DLGAP2: variants seen among roughly 807,000 people sequenced by gnomAD.
DLGAP2 encodes the protein disks large-associated protein 2.
Under a neutral mutation model 100.3 loss-of-function variants are expected in DLGAP2, and 26 were observed. The ratio of observed to expected loss-of-function variants is 0.26; its 90% confidence interval spans 0.19 to 0.36. The LOEUF is 0.36. Ranked by LOEUF, DLGAP2 falls within the 10% of genes least tolerant of loss-of-function variation. The pLI, the probability that DLGAP2 is intolerant of heterozygous loss-of-function variation, is 1.00. For missense variants in DLGAP2, 1,858 were observed against 1,453.2 expected, an observed-to-expected ratio of 1.28 and a Z score of -4.53; for synonymous variants, 886 against 630.1, an observed-to-expected ratio of 1.41 and a Z score of -6.08.
At chr8:1,167,750 A>G (rs1797047283) in intron 2 of DLGAP2, among the ~76,000 whole-genome samples, 1 of 152,206 alleles carries the variant, frequency 6.6e-6, no homozygotes, top group South Asian at 2.1e-4. Flanking sequence ...TTCAGTTGAC[A>G]AACATTTGTT....
At chr8:1,499,139 A>T (rs948467730) in intron 3 of DLGAP2, among the ~76,000 whole-genome samples, 16 of 152,226 alleles carry the variant, frequency 1.1e-4, no homozygotes, top group African/African-American at 3.9e-4. Flanking sequence ...TGTTCTCAAG[A>T]TAATTAGGTG....
At chr8:774,977 A>T (rs1414367440) in intron 1 of DLGAP2, among the ~76,000 whole-genome samples, 3 of 151,666 alleles carry the variant, frequency 2.0e-5, no homozygotes, top group Non-Finnish European at 4.4e-5. Flanking sequence ...CTTCCTACCC[A>T]TGAGCATGGA....
chr8:949,235 C>G (rs1344242683), intron 2 of DLGAP2, among the ~76,000 whole-genome samples: 2 of 152,292 alleles, frequency 1.3e-5, no homozygotes, highest in Non-Finnish European at 2.9e-5. Flanking sequence ...CTGTGGAAAG[C>G]CAAGTTGCCA....
chr8:1,667,661 T>G (rs1798578865), intron 8 of DLGAP2, among the ~76,000 whole-genome samples: 1 of 152,230 alleles, frequency 6.6e-6, no homozygotes, highest in African/African-American at 2.4e-5. Context: ...ATTAACATCT[T>G]CAGGTGCTGG....
At chr8:1,517,174 G>A (rs372150211) in intron 4 of DLGAP2, among the ~76,000 whole-genome samples, 9 of 152,174 alleles carry the variant, frequency 5.9e-5, no homozygotes, top group East Asian at 1.9e-4. Context: ...AGTCCTGGAC[G>A]TAGTGCTTCA....
At chr8:1,431,737 C>G (rs1797448381) in intron 3 of DLGAP2, among the ~76,000 whole-genome samples, 1 of 147,164 alleles carries the variant, frequency 6.8e-6, no homozygotes, top group Non-Finnish European at 1.5e-5. Context: ...TATTGGGCAG[C>G]TTACTCAGCC....
rs17064061 is a variant in DLGAP2 at position 1,534,492 on chromosome 8, G to A, written c.173-14134G>A. ...AATGTGCTCACCATAATGCTTAATC[G>A]AAAATGTAATGAAATTCTGAAAGAG... is the stretch of plus-strand genomic sequence containing the variant. On this transcript the variant is annotated intron_variant, in intron 4 of 14. Coordinates refer to ENST00000637795, the MANE Select transcript of DLGAP2 (RefSeq NM_001346810.2). Among the ~76,000 whole-genome samples, 388 of 152,288 alleles carry A rather than the reference G, an allele frequency of 2.5e-3. 3 individuals carry two copies. Among genetic ancestry groups the A allele is most frequent in the African/African-American group, 9.0e-3 (372 of 41,552 alleles).
At chr8:1,048,366 TGCTACTTCAGTTATTAGG>T (rs369746248) in intron 2 of DLGAP2, among the ~76,000 whole-genome samples, 2 of 152,084 alleles carry the variant, frequency 1.3e-5, no homozygotes, top group African/African-American at 4.8e-5. Context: ...TCAAAGCCGT[TGCTACTTCAGTTATTAGG>T]GCCTCTCCTG....
At chr8:1,366,005 C>T (rs957681236) in intron 3 of DLGAP2, among the ~76,000 whole-genome samples, 8 of 152,356 alleles carry the variant, frequency 5.3e-5, no homozygotes, top group African/African-American at 1.4e-4. Context: ...CTCACGGCAC[C>T]GTCCAGCCTG....
At chr8:874,058 C>G (rs974178348) in intron 1 of DLGAP2, among the ~76,000 whole-genome samples, 6 of 151,940 alleles carry the variant, frequency 3.9e-5, no homozygotes, top group African/African-American at 9.7e-5. Flanking sequence ...TGTGATGATA[C>G]CCCTCTTTCA....
intron 1 of DLGAP2, chr8:754,399 T>C (rs907386101): frequency 1.3e-5 from 2 of 152,282 alleles, no homozygotes; most frequent in Non-Finnish European, 2.9e-5. Flanking sequence ...ACTTTCGGCC[T>C]GGGTTTTGCA....
rs139970532 is a variant in DLGAP2, at chr8:1,018,229, A to G, written c.73+110263A>G. ...TCCGTCCTCAGCTTGTCCCTGCTCA[A>G]TCAGATGCGTTATCCCAGACTCTGA... is the stretch of plus-strand genomic sequence containing the variant. On this transcript the variant is annotated intron_variant, in intron 2 of 14. Coordinates refer to ENST00000637795, the MANE Select transcript of DLGAP2 (RefSeq NM_001346810.2). 4.9e-3 allele frequency among the ~76,000 whole-genome samples: 743 copies of G among 152,004 alleles called. 1 individual carries two copies. The highest frequency in any genetic ancestry group is 8.2e-3 in the Admixed American group (125 of 15,266).
chr8:1,069,686 T>C (rs992122610), intron 2 of DLGAP2, among the ~76,000 whole-genome samples: 11 of 152,184 alleles, frequency 7.2e-5, no homozygotes, highest in African/African-American at 2.4e-4. Flanking sequence ...TAATATGATA[T>C]TATAATGCTG....
In DLGAP2 at chr8:1,697,266, C is replaced by A. The variant is rs368740931; in HGVS notation, c.2916C>A (p.Asn972Lys). Residue 972 changes from asparagine (N) to lysine (K), a missense_variant, in exon 14 of 15, where the codon AAC (asparagine) becomes AAA (lysine). Physicochemically the swap from Asn to Lys is moderately conservative, Grantham distance 94. Coordinates refer to ENST00000637795, the MANE Select transcript of DLGAP2 (RefSeq NM_001346810.2). The part of the protein sequence containing the change: ...KFDELQRLRL[N>K]DWKMMESPER... ...ACGAGCTGCAGCGGCTGCGGCTCAA[C>A]GACTGGAAGATGATGGAGTCCCCGG... 1.4e-5 allele frequency: 23 copies of A among 1,609,464 alleles called. No homozygotes were observed. Among genetic ancestry groups the A allele is most frequent in the East Asian group, 6.7e-5 (3 of 44,684 alleles).
At chr8:872,001 A>G (rs1187849340) in intron 1 of DLGAP2, among the ~76,000 whole-genome samples, 2 of 152,198 alleles carry the variant, frequency 1.3e-5, no homozygotes, top group South Asian at 2.1e-4. Flanking sequence ...ATTTCCACAC[A>G]TATAACAGAT....
chr8:1,434,130 G>T, intron 3 of DLGAP2, among the ~76,000 whole-genome samples: 1 of 152,098 alleles, frequency 6.6e-6, no homozygotes, highest in East Asian at 1.9e-4. Flanking sequence ...GTGGCCGCAG[G>T]GCTGAGGGTT....
At chr8:1,574,941 C>A (rs1802898701) in intron 6 of DLGAP2, among the ~76,000 whole-genome samples, 2 of 152,186 alleles carry the variant, frequency 1.3e-5, no homozygotes, top group African/African-American at 4.8e-5. Flanking sequence ...ATTTGGAATC[C>A]ACTGTTGTGC....
At chr8:1,613,473 C>A (rs1432855482) in intron 6 of DLGAP2, among the ~76,000 whole-genome samples, 1 of 150,896 alleles carries the variant, frequency 6.6e-6, no homozygotes, top group African/African-American at 2.4e-5. Flanking sequence ...AGCGCACCAG[C>A]ATGGCACATG....
chr8:1,045,805 C>A (rs1256712811), intron 2 of DLGAP2, among the ~76,000 whole-genome samples: 3 of 152,160 alleles, frequency 2.0e-5, no homozygotes, highest in Non-Finnish European at 4.4e-5. Context: ...GCTCAGCAAA[C>A]ATTGGCAGTA....
Sources: gnomAD v4.1 joint callset for allele counts (sites outside exome capture counted in the v4.1 genomes callset) on GRCh38, gnomAD v4.1.1 for gene constraint, MANE v1.5 for transcripts, NCBI Gene and HGNC (gene_info 2026-07-23, HGNC 2026-07-21) for gene names.